CRHR2: variants seen among roughly 807,000 people sequenced by gnomAD.
CRHR2 encodes the protein corticotropin releasing hormone receptor 2, also known as corticotropin-releasing hormone receptor 2.
Under a neutral mutation model 57.9 loss-of-function variants are expected in CRHR2, and 53 were observed. The ratio of observed to expected loss-of-function variants is 0.92; its 90% CI spans 0.73 to 1.15. The LOEUF (loss-of-function observed/expected upper bound fraction) is 1.15, where lower values mean the gene tolerates loss of function less well. Ranked by LOEUF, CRHR2 falls within the 50% of genes most tolerant of loss-of-function variation. The pLI, the probability that CRHR2 is intolerant of heterozygous loss-of-function variation, is 0.00. For synonymous variants in CRHR2, 213 were observed against 220.9 expected, an observed-to-expected ratio of 0.96 and a Z score of 0.32; for missense variants, 532 against 542.6, an observed-to-expected ratio of 0.98 and a Z score of 0.19.
In CRHR2 at chr7:30,695,361, G is replaced by A. The variant is rs141918542; in HGVS notation, c.-261+4583C>T. ...CCTGAGTCTGTGCTCGGCCAAGTTCGTCTTCCTAGGATGCCCCACTCTTCC... is the reference window on the plus strand; with the variant it reads ...CCTGAGTCTGTGCTCGGCCAAGTTCATCTTCCTAGGATGCCCCACTCTTCC... On this transcript the variant is annotated intron_variant, in intron 1 of 13. Coordinates refer to the CRHR2 transcript ENST00000341843. Among the ~76,000 whole-genome samples, 1,184 of 152,114 alleles carry A rather than the reference G, an allele frequency of 7.8e-3. 8 individuals are homozygous for A. Among genetic ancestry groups the A allele is most frequent in the Middle Eastern group, 0.02 (6 of 294 alleles).
intron 1 of CRHR2, among the ~76,000 whole-genome samples, chr7:30,699,000 A>G (rs554575862): frequency 2.6e-4 from 40 of 152,250 alleles, no homozygotes; most frequent in Admixed American, 5.9e-4. Flanking sequence ...TATCCTCCTT[A>G]TACGTATAGG....
At chr7:30,666,977 T>G (rs1784206628) in intron 3 of CRHR2, among the ~76,000 whole-genome samples, 1 of 152,212 alleles carries the variant, frequency 6.6e-6, no homozygotes, top group African/African-American at 2.4e-5. Flanking sequence ...CCTTTTTGTG[T>G]CACATGCCAC....
At chr7:30,674,334 C>T (rs1584114509) in intron 2 of CRHR2, among the ~76,000 whole-genome samples, 3 of 152,350 alleles carry the variant, frequency 2.0e-5, no homozygotes, top group East Asian at 3.9e-4. Flanking sequence ...CTCCCTCCTT[C>T]CAGCCATCCT....
intron 1 of CRHR2, among the ~76,000 whole-genome samples, chr7:30,690,986 C>G (rs893160370): frequency 3.3e-5 from 5 of 152,118 alleles, no homozygotes; most frequent in African/African-American, 1.2e-4. Context: ...GGGCCATGGT[C>G]TTGCTGTCCA....
Position 30,652,213 on chromosome 7 carries a change from A to G in CRHR2, c.*1247T>C, listed in dbSNP as rs1783617882. Reference sequence around the variant, plus strand: ...CACAGGGACGGAAGCCAAGCCTGGAAGCTGCCCTGGTGGTCAACTGAGGGG... The same window carrying G: ...CACAGGGACGGAAGCCAAGCCTGGAGGCTGCCCTGGTGGTCAACTGAGGGG... On this transcript the variant is annotated 3_prime_UTR_variant, in exon 12 of 12. Coordinates refer to ENST00000471646, the MANE Select transcript of CRHR2 (RefSeq NM_001883.5). The surrounding 1 kb of genome is among the most constrained non-coding windows in gnomAD (Gnocchi z 4.4). 6.6e-6 allele frequency: 1 copy of G among 152,234 alleles called. No homozygotes were observed. The highest frequency in any genetic ancestry group is 1.5e-5 in the Non-Finnish European group (1 of 68,050). 9.4% of individuals were successfully genotyped at this position (152,234 alleles called of 1,614,324 possible).
chr7:30,663,065 G>A (rs537256762), intron 5 of CRHR2, among the ~76,000 whole-genome samples: 1 of 152,208 alleles, frequency 6.6e-6, no homozygotes, highest in Non-Finnish European at 1.5e-5. Context: ...TGGGGCCAAC[G>A]TGTTTTTTTT....
At chr7:30,669,169 A>G (rs1204452738) in intron 2 of CRHR2, among the ~76,000 whole-genome samples, 4 of 152,088 alleles carry the variant, frequency 2.6e-5, no homozygotes, top group Non-Finnish European at 5.9e-5. Flanking sequence ...AGGGCAGAAA[A>G]ATTTATCTTC....
intron 2 of CRHR2, among the ~76,000 whole-genome samples, chr7:30,671,971 A>G (rs1784377132): frequency 1.3e-5 from 2 of 152,228 alleles, no homozygotes; most frequent in Non-Finnish European, 2.9e-5. Flanking sequence ...GGGGAGGGCC[A>G]GAAGCAATAT....
At chr7:30,699,917 TC>T in intron 1 of CRHR2, 1 of 1,494,640 alleles carries the variant, frequency 6.7e-7, no homozygotes. Flanking sequence ...GCGCCCCACC[TC>T]GTGGACTCCC....
At chr7:30,661,181 C>T (rs1451086739) in intron 7 of CRHR2, among the ~76,000 whole-genome samples, 4 of 152,246 alleles carry the variant, frequency 2.6e-5, no homozygotes, top group Non-Finnish European at 4.4e-5. Flanking sequence ...GCTGGCCTCA[C>T]TGGCTGCCAG....
At position 30,655,954 on chromosome 7, in the gene CRHR2, G is replaced by A. The variant is rs200156229; in HGVS notation, c.890C>T (p.Ser297Phe). The part of the protein sequence containing the change: ...VRILMTKLRA[S>F]TTSETIQYRK... ...GTACTGGATTGTCTCGGATGTGGTGGACGCGCGTAACTTTGTCATTAGGAT... is the reference window on the plus strand; with the variant it reads ...GTACTGGATTGTCTCGGATGTGGTGAACGCGCGTAACTTTGTCATTAGGAT... Residue 297 changes from serine to phenylalanine, a missense_variant, in exon 9 of 12, where the codon TCC (serine) becomes TTC (phenylalanine). Physicochemically the swap from Ser to Phe is radical, Grantham distance 155 (BLOSUM62 -2). Coordinates refer to ENST00000471646, the MANE Select transcript of CRHR2 (RefSeq NM_001883.5). The A allele has an allele frequency of 6.6e-5, 107 of 1,614,072 alleles. No homozygotes were observed. The African/African-American group carries it at 1.3e-3, about 19-fold the overall frequency.
upstream of CRHR2, chr7:30,686,478 T>C (rs1401841544): frequency 1.3e-6 from 2 of 1,520,324 alleles, no homozygotes; most frequent in South Asian, 1.2e-5. Flanking sequence ...TGTGTGTGTG[T>C]TGCATTGAGG....
Position 30,652,023 on chromosome 7 carries a change from A to C in CRHR2, c.*1437T>G, listed in dbSNP as rs1783610038. 1 of 152,230 alleles carries C rather than the reference A, an allele frequency of 6.6e-6. No individual in the cohort carries two copies. The highest frequency in any genetic ancestry group is 2.1e-4 in the South Asian group (1 of 4,828). 9.4% of individuals were successfully genotyped at this position (152,230 alleles called of 1,614,324 possible). Reference sequence around the variant, plus strand: ...CAGAAATCACACCTTTGAAGGATTTAAAACTTAAGTAAAAAATACTACATG... The same window carrying C: ...CAGAAATCACACCTTTGAAGGATTTCAAACTTAAGTAAAAAATACTACATG... On this transcript the variant is annotated 3_prime_UTR_variant, in exon 12 of 12. Transcript: ENST00000471646. The surrounding 1 kb of genome is among the most constrained non-coding windows in gnomAD (Gnocchi z 4.4).
intron 10 of CRHR2, 109 bp from the exon 11 acceptor site, chr7:30,655,189 G>A: frequency 7.9e-7 from 1 of 1,261,684 alleles, no homozygotes; most frequent in East Asian, 2.5e-5. Flanking sequence ...ATTTGACCCA[G>A]GAACCCCTGG....
chr7:30,697,564 G>C (rs1785082509), intron 1 of CRHR2, among the ~76,000 whole-genome samples: 1 of 152,060 alleles, frequency 6.6e-6, no homozygotes, highest in Admixed American at 6.5e-5. Flanking sequence ...GGCTGGGTGG[G>C]TTCCTCCAGG....
intron 6 of CRHR2, 52 bp downstream of exon 6, chr7:30,662,642 C>G (rs984070994): frequency 2.5e-5 from 40 of 1,585,968 alleles, no homozygotes; most frequent in Non-Finnish European, 3.4e-5. Context: ...GGGAAATGGC[C>G]TGGTGAGAAG....
Position 30,656,891 on chromosome 7 carries a change from T to C in CRHR2, c.832-879A>G, listed in dbSNP as rs1783809739. Among the ~76,000 whole-genome samples, 2 of 152,286 alleles carry C rather than the reference T, an allele frequency of 1.3e-5. No homozygotes were observed. The highest frequency in any genetic ancestry group is 4.1e-4 in the South Asian group (2 of 4,830). On this transcript the variant is annotated intron_variant, in intron 8 of 11. Coordinates refer to ENST00000471646, the MANE Select transcript of CRHR2 (RefSeq NM_001883.5). This position sits in a 1 kb window ranked among gnomAD's most constrained non-coding sequence, Gnocchi z 4.4. ...GTTTGCCTCACAGAGCGTGTGCATG[T>C]GTGAGCATGGATCTGGGGCCCGGGC...
At chr7:30,654,902 C>T (rs1202331901) in intron 11 of CRHR2, 137 bp downstream of exon 11, 2 of 1,551,554 alleles carry the variant, frequency 1.3e-6, no homozygotes, top group South Asian at 2.4e-5. Context: ...GATTCCTGTT[C>T]CCCTAAGGCC....
rs1029055288 is a variant in CRHR2 at position 30,662,568 on chromosome 7, A to C, written c.697+126T>G. 4.4e-6 allele frequency: 5 copies of C among 1,143,412 alleles called. No individual in the cohort carries two copies. The Admixed American group carries it at 1.2e-4, about 28-fold the overall frequency. The allele number at this position is 1,143,412 out of a possible 1,614,324, so 70.8% of individuals were successfully genotyped here. ...CACCAGCATGGAGGGAAGTAGCTGC[A>C]TCCACCGGACTGCGCTGGGGGTGGA... On this transcript the variant is annotated intron_variant, in intron 6 of 11. Coordinates refer to ENST00000471646, the MANE Select transcript of CRHR2 (RefSeq NM_001883.5).
Sources: gnomAD v4.1 joint callset for allele counts (sites outside exome capture counted in the v4.1 genomes callset) on GRCh38, gnomAD v4.1.1 for gene constraint, Gnocchi (gnomAD v3.1) non-coding constraint, MANE v1.5 for transcripts, NCBI Gene and HGNC (gene_info 2026-07-23, HGNC 2026-07-21) for gene names.